DCBLD2: variants seen among roughly 807,000 people sequenced by gnomAD.
The protein encoded by DCBLD2 is discoidin, CUB and LCCL domain-containing protein 2.
DCBLD2 carries 54 observed loss-of-function variants against 86.8 expected under a neutral mutation model. The ratio of observed to expected loss-of-function variants is 0.62; its 90% CI spans 0.50 to 0.78. The LOEUF is 0.78. Among genes scored for constraint, DCBLD2 ranks in the 30% least tolerant of loss-of-function variants. DCBLD2 has a pLI of 0.00. For missense variants in DCBLD2, 908 were observed against 954.2 expected (o/e 0.95, Z 0.64); for synonymous variants, 354 against 341.3 (o/e 1.04, Z -0.41).
chr3:98,863,716 G>A (rs1943088582), intron 2 of DCBLD2, among the ~76,000 whole-genome samples: 1 of 152,142 alleles, frequency 6.6e-6, no homozygotes, highest in Non-Finnish European at 1.5e-5. Context: ...ATTAACTCAA[G>A]ATGGATTAAA....
chr3:98,811,690 A>T, intron 10 of DCBLD2, 136 bp from the exon 11 acceptor site: 1 of 835,324 alleles, frequency 1.2e-6, no homozygotes, highest in Non-Finnish European at 1.8e-6. Flanking sequence ...AGAGAAATAT[A>T]TTGGAAGGAT....
rs9683287 is a variant in DCBLD2 at position 98,867,807 on chromosome 3, G to T, written c.433+13733C>A. Among the ~76,000 whole-genome samples the T allele has an allele frequency of 6.2e-3, 885 of 143,198 alleles. 9 individuals are homozygous for T. The highest frequency in any genetic ancestry group is 0.021 in the African/African-American group (824 of 39,246). The allele number at this position is 143,198 out of a possible 152,430, so 93.9% of individuals were successfully genotyped here. Reference sequence around the variant, plus strand: ...ATAACATTTGTTTTTGTTGTTTTTTGTTTTTTTTTTTTTGAGACGGAGTCT... The same window carrying T: ...ATAACATTTGTTTTTGTTGTTTTTTTTTTTTTTTTTTTTGAGACGGAGTCT... On this transcript the variant is annotated intron_variant, in intron 2 of 15. Coordinates refer to ENST00000326840, the MANE Select transcript of DCBLD2 (RefSeq NM_080927.4).
chr3:98,881,510 T>C, intron 2 of DCBLD2, 30 bp downstream of exon 2: 1 of 1,566,256 alleles, frequency 6.4e-7, no homozygotes, highest in Non-Finnish European at 8.8e-7. Context: ...ATGATGTATT[T>C]ACATGTACAT....
intron 2 of DCBLD2, among the ~76,000 whole-genome samples, chr3:98,869,172 T>C (rs1943214909): frequency 6.6e-6 from 1 of 152,252 alleles, no homozygotes; most frequent in African/African-American, 2.4e-5. Context: ...GGTATCTTAC[T>C]GCAGTTTTAA....
At chr3:98,850,820 A>T (rs1205423474) in intron 2 of DCBLD2, among the ~76,000 whole-genome samples, 1 of 152,242 alleles carries the variant, frequency 6.6e-6, no homozygotes, top group African/African-American at 2.4e-5. Context: ...ACAAAAATCA[A>T]CTGCATTTCC....
intron 1 of DCBLD2, among the ~76,000 whole-genome samples, chr3:98,884,203 T>C (rs971443402): frequency 2.6e-5 from 4 of 152,218 alleles, no homozygotes; most frequent in East Asian, 1.9e-4. Context: ...TGAACAAGTA[T>C]CTCTCACACA....
chr3:98,881,682 A>G lies in DCBLD2; in HGVS notation c.291T>C (p.Thr97=). 1 of 1,613,908 alleles carries G rather than the reference A, an allele frequency of 6.2e-7. No individual in the cohort carries two copies. Among genetic ancestry groups the G allele is most frequent in the Non-Finnish European group, 8.5e-7 (1 of 1,179,860 alleles). ...TTACACGGATCTCCCATTCACAAAC[A>G]GTGCTGTTGGGATAGGTCTGTGGGT... The part of the protein sequence containing the change: ...INYPQTYPNS[T]VCEWEIRVKM... The change falls in exon 2 of 16, where the codon ACT becomes ACC. Residue 97 remains threonine, a synonymous_variant. Transcript: ENST00000326840.
intron 3 of DCBLD2, chr3:98,849,241 T>C: frequency 1.8e-6 from 1 of 544,088 alleles, no homozygotes; most frequent in Non-Finnish European, 3.2e-6. Context: ...ATTTCAGCAG[T>C]ATTTCCTTTA....
chr3:98,852,299 TAC>T (rs1942854398), intron 2 of DCBLD2, among the ~76,000 whole-genome samples: 1 of 151,222 alleles, frequency 6.6e-6, no homozygotes, highest in South Asian at 2.1e-4. Flanking sequence ...CAGGCTGGAG[TAC>T]AGTGGCGTGA....
At chr3:98,822,495 G>C (rs1415477030) in intron 5 of DCBLD2, 134 bp from the exon 6 acceptor site, 2 of 1,293,838 alleles carry the variant, frequency 1.5e-6, no homozygotes, top group Non-Finnish European at 2.1e-6. Flanking sequence ...ATAGATTATT[G>C]GTACTGTAAC....
intron 13 of DCBLD2, among the ~76,000 whole-genome samples, chr3:98,804,366 T>C (rs1266718055): frequency 6.6e-6 from 1 of 152,240 alleles, no homozygotes; most frequent in Non-Finnish European, 1.5e-5. Flanking sequence ...GATGGTAGTT[T>C]GTATTTCTGT....
intron 3 of DCBLD2, 99 bp downstream of exon 3, chr3:98,849,362 T>C: frequency 1.4e-6 from 2 of 1,450,174 alleles, no homozygotes; most frequent in Non-Finnish European, 1.9e-6. Flanking sequence ...GTCTTTCTGC[T>C]CTATTCCAAT....
At chr3:98,838,122 G>A (rs1942514815) in intron 3 of DCBLD2, among the ~76,000 whole-genome samples, 1 of 138,300 alleles carries the variant, frequency 7.2e-6, no homozygotes, top group Non-Finnish European at 1.6e-5. Context: ...CTCCCGGATG[G>A]GGCGGCTGGT....
chr3:98,832,233 T>C (rs1378672776), intron 3 of DCBLD2, among the ~76,000 whole-genome samples: 1 of 152,190 alleles, frequency 6.6e-6, no homozygotes, highest in Non-Finnish European at 1.5e-5. Context: ...TTAAAGTCTG[T>C]TTTGTCTGAA....
At chr3:98,840,386 A>G (rs1173862131) in intron 3 of DCBLD2, among the ~76,000 whole-genome samples, 1 of 152,240 alleles carries the variant, frequency 6.6e-6, no homozygotes, top group Admixed American at 6.5e-5. Flanking sequence ...TGAACTTATT[A>G]CATGTGAAGT....
chr3:98,876,644 GT>G (rs1943376632), intron 2 of DCBLD2, among the ~76,000 whole-genome samples: 1 of 152,066 alleles, frequency 6.6e-6, no homozygotes, highest in Non-Finnish European at 1.5e-5. Context: ...ATTTAGCAAT[GT>G]CTAACAAAGT....
intron 4 of DCBLD2, 64 bp from the exon 5 acceptor site, chr3:98,822,805 C>T: frequency 1.4e-6 from 2 of 1,396,458 alleles, no homozygotes; most frequent in South Asian, 1.4e-5. Flanking sequence ...AAAGCAACCC[C>T]CCAAAAATAT....
intron 12 of DCBLD2, among the ~76,000 whole-genome samples, chr3:98,809,243 C>G (rs1001961738): frequency 6.6e-6 from 1 of 152,102 alleles, no homozygotes; most frequent in Non-Finnish European, 1.5e-5. Context: ...GTCGCTCAAC[C>G]CCCTACTTGC....
intron 2 of DCBLD2, among the ~76,000 whole-genome samples, chr3:98,863,144 A>T (rs369398434): frequency 6.6e-6 from 1 of 152,076 alleles, no homozygotes; most frequent in Non-Finnish European, 1.5e-5. Context: ...GAATAAAATA[A>T]CTAGGAATCC....
Sources: allele counts gnomAD v4.1 joint callset (sites outside exome capture counted in the v4.1 genomes callset), GRCh38; gene constraint gnomAD v4.1.1; transcripts MANE v1.5; gene names NCBI Gene and HGNC (gene_info 2026-07-23, HGNC 2026-07-21).